The following CSRP3 variants were observed in gnomAD, a reference collection of about 807,000 sequenced individuals.
CSRP3 encodes the protein cysteine and glycine-rich protein 3.
CSRP3 carries 24 observed loss-of-function variants against 24.3 expected under a neutral mutation model. The observed-to-expected ratio is 0.99, with a 90% CI of 0.71 to 1.39. CSRP3 has a LOEUF of 1.39. Among genes scored for constraint, CSRP3 ranks in the 40% most tolerant of loss-of-function variants. CSRP3 has a pLI of 0.00. For missense variants in CSRP3, 240 were observed against 249.0 expected (o/e 0.96, Z 0.24); for synonymous variants, 105 against 94.0 (o/e 1.12, Z -0.68).
chr11:19,184,471 G>C (rs1375035579), intron 5 of CSRP3, among the ~76,000 whole-genome samples: 1 of 152,234 alleles, frequency 6.6e-6, no homozygotes, highest in East Asian at 1.9e-4. Flanking sequence ...CAACAGAACT[G>C]TTAGTGCGGG....
chr11:19,201,900 C>G (rs1233948203), intron 1 of CSRP3, 54 bp downstream of exon 1: 3 of 152,542 alleles, frequency 2.0e-5, no homozygotes, highest in Non-Finnish European at 4.4e-5. Context: ...ATAGTCCAAA[C>G]CAGCCACAGA....
At chr11:19,186,127 T>C (rs1850520244) in intron 4 of CSRP3, 89 bp downstream of exon 4, 1 of 1,546,334 alleles carries the variant, frequency 6.5e-7, no homozygotes, top group Non-Finnish European at 8.9e-7. Flanking sequence ...GAATGACAGC[T>C]GCTTGCAGCT....
chr11:19,187,234 A>T (rs1057332935), intron 3 of CSRP3, among the ~76,000 whole-genome samples: 1 of 152,258 alleles, frequency 6.6e-6, no homozygotes, highest in African/African-American at 2.4e-5. Context: ...ACAAACTAAC[A>T]AAAAGAAGTC....
intron 1 of CSRP3, among the ~76,000 whole-genome samples, chr11:19,193,337 G>A (rs1291135806): frequency 1.3e-5 from 2 of 152,120 alleles, no homozygotes; most frequent in Non-Finnish European, 1.5e-5. Context: ...TGTGCAGGAA[G>A]GTCCCACAGA....
chr11:19,197,084 G>A (rs1018180993), intron 1 of CSRP3, among the ~76,000 whole-genome samples: 8 of 152,082 alleles, frequency 5.3e-5, no homozygotes, highest in African/African-American at 1.9e-4. Context: ...GTGTGATCTG[G>A]GAAAACCGTT....
chr11:19,201,495 C>T (rs914508841), intron 1 of CSRP3, among the ~76,000 whole-genome samples: 2 of 152,174 alleles, frequency 1.3e-5, no homozygotes, highest in African/African-American at 2.4e-5. Flanking sequence ...GAAAAAATGT[C>T]GCCAATTTGT....
At chr11:19,190,478 T>C (rs1460873374) in intron 2 of CSRP3, among the ~76,000 whole-genome samples, 1 of 152,278 alleles carries the variant, frequency 6.6e-6, no homozygotes, top group Non-Finnish European at 1.5e-5. Flanking sequence ...TATATTGAGT[T>C]AAATAAAATG....
intron 1 of CSRP3, among the ~76,000 whole-genome samples, chr11:19,194,093 T>G (rs1850658156): frequency 6.6e-6 from 1 of 152,184 alleles, no homozygotes; most frequent in South Asian, 2.1e-4. Flanking sequence ...GCCAGTCACC[T>G]TCTTATAATA....
At chr11:19,198,090 A>G (rs1850771910) in intron 1 of CSRP3, among the ~76,000 whole-genome samples, 1 of 152,186 alleles carries the variant, frequency 6.6e-6, no homozygotes, top group African/African-American at 2.4e-5. Context: ...TACATATATT[A>G]TTTTATGTCA....
Position 19,188,722 on chromosome 11 carries a change from A to G in CSRP3, c.113-418T>C, listed in dbSNP as rs576533198. On this transcript the variant is annotated intron_variant, in intron 2 of 5. Transcript: ENST00000265968. ...AACTTACTTTTTTCTTAATCATAAAAGAATCAGGATTGAGCACTTTCTGTA... is the reference window on the plus strand; with the variant it reads ...AACTTACTTTTTTCTTAATCATAAAGGAATCAGGATTGAGCACTTTCTGTA... Among the ~76,000 whole-genome samples, 10 of 152,098 alleles carry G rather than the reference A, an allele frequency of 6.6e-5. No homozygotes were observed. In the East Asian group the frequency reaches 1.9e-3, roughly 29 times the overall value.
At chr11:19,185,169 C>A in intron 4 of CSRP3, 124 bp from the exon 5 acceptor site, 1 of 752,392 alleles carries the variant, frequency 1.3e-6, no homozygotes, top group East Asian at 2.6e-5. Context: ...ACCTAATGGG[C>A]CCCATAATTT....
chr11:19,186,391 G>T, intron 3 of CSRP3, 43 bp from the exon 4 acceptor site: 1 of 1,613,736 alleles, frequency 6.2e-7, no homozygotes, highest in Non-Finnish European at 8.5e-7. Context: ...ATTTCCCTTG[G>T]CAAAGAGTAG....
At chr11:19,184,766 G>T (rs1252543829) in intron 5 of CSRP3, among the ~76,000 whole-genome samples, 186 bp downstream of exon 5, 2 of 152,192 alleles carry the variant, frequency 1.3e-5, no homozygotes, top group African/African-American at 4.8e-5. Context: ...GAGAGGACCA[G>T]AGCTGGGTCA....
intron 5 of CSRP3, among the ~76,000 whole-genome samples, chr11:19,183,031 A>G (rs191971830): frequency 1.6e-3 from 248 of 152,082 alleles, no homozygotes; most frequent in African/African-American, 5.7e-3. Flanking sequence ...GGTGGCATGT[A>G]CTTCTGATCC....
chr11:19,187,818 G>A (rs1464962932), intron 3 of CSRP3, among the ~76,000 whole-genome samples: 2 of 152,186 alleles, frequency 1.3e-5, no homozygotes, highest in East Asian at 1.9e-4. Flanking sequence ...AACTCTCAAC[G>A]GGGAAGAAAG....
chr11:19,186,520 C>T (rs766037286), intron 3 of CSRP3, among the ~76,000 whole-genome samples, 172 bp from the exon 4 acceptor site: 10 of 152,130 alleles, frequency 6.6e-5, no homozygotes, highest in East Asian at 1.9e-4. Context: ...TTAAATGAGG[C>T]GACATTTGTA....
In CSRP3 at chr11:19,201,942, T is replaced by G. The variant is rs1314106650; in HGVS notation, c.-29+12A>C. On this transcript the variant is annotated intron_variant, in intron 1 of 5. Coordinates refer to ENST00000265968, the MANE Select transcript of CSRP3 (RefSeq NM_003476.5). ...CCACCTCCAGCTCAAATGTCTGCCT[T>G]GCTCCACTCACCTGCCTGTGTGGAC... The G allele has an allele frequency of 6.5e-6, 1 of 152,748 alleles. No individual in the cohort carries two copies. The highest frequency in any genetic ancestry group is 2.4e-5 in the African/African-American group (1 of 41,462). 9.5% of individuals were successfully genotyped at this position (152,748 alleles called of 1,614,324 possible).
intron 2 of CSRP3, among the ~76,000 whole-genome samples, chr11:19,189,403 A>G (rs555541111): frequency 1.3e-5 from 2 of 152,344 alleles, no homozygotes; most frequent in South Asian, 4.1e-4. Context: ...TTGCTTTGCA[A>G]CAATGATTCT....
intron 1 of CSRP3, among the ~76,000 whole-genome samples, chr11:19,198,924 T>G (rs1178651748): frequency 1.3e-5 from 2 of 152,226 alleles, no homozygotes; most frequent in Non-Finnish European, 1.5e-5. Context: ...ACTTAATACA[T>G]AGCAGGAATT....
Sources: allele counts gnomAD v4.1 joint callset (sites outside exome capture counted in the v4.1 genomes callset), GRCh38; gene constraint gnomAD v4.1.1; transcripts MANE v1.5; gene names NCBI Gene and HGNC (gene_info 2026-07-23, HGNC 2026-07-21).